The following ESRRG variants were observed in gnomAD, a reference collection of about 807,000 sequenced individuals.
ESRRG encodes the protein estrogen related receptor gamma, also known as estrogen-related receptor gamma.
In ESRRG, 13 loss-of-function variants were observed where a neutral mutation model predicts 44.0. That is an observed-to-expected ratio of 0.30 (90% CI 0.19 to 0.47). The LOEUF is 0.47. Ranked by LOEUF, ESRRG falls within the 20% of genes least tolerant of loss-of-function variation. The pLI, the probability that ESRRG is intolerant of heterozygous loss-of-function variation, is 1.00. For synonymous variants in ESRRG, 215 were observed against 214.6 expected, an observed-to-expected ratio of 1.00 and a Z score of -0.02; for missense variants, 395 against 580.6, an observed-to-expected ratio of 0.68 and a Z score of 3.29.
At chr1:216,987,294 G>T (rs2075027467) in intron 1 of ESRRG, among the ~76,000 whole-genome samples, 1 of 152,136 alleles carries the variant, frequency 6.6e-6, no homozygotes, top group Non-Finnish European at 1.5e-5. Context: ...ATGCTTCCAT[G>T]CATGACTCAG....
chr1:216,910,211 A>AAC (rs568786905), intron 2 of ESRRG, among the ~76,000 whole-genome samples: 303 of 150,754 alleles, frequency 2.0e-3, no homozygotes, highest in Non-Finnish European at 2.5e-3. Flanking sequence ...GTTTGGCTGA[A>AAC]ACACACACAC....
chr1:216,843,587 G>A (rs1370829361), intron 2 of ESRRG, among the ~76,000 whole-genome samples: 2 of 152,080 alleles, frequency 1.3e-5, no homozygotes, highest in Admixed American at 6.6e-5. Flanking sequence ...GGACCAAGAC[G>A]CGGATCACAT....
Position 217,026,668 on chromosome 1 carries a change from C to A in ESRRG, c.-106+62839G>T, listed in dbSNP as rs545747402. 1.6e-4 allele frequency among the ~76,000 whole-genome samples: 25 copies of A among 152,122 alleles called. No homozygotes were observed. The South Asian group carries it at 2.5e-3, about 15-fold the overall frequency. On this transcript the variant is annotated intron_variant, in intron 1 of 7. Transcript: ENST00000359162. The stretch of plus-strand genomic sequence containing the variant: ...GCAAATCTGCCTAAGGGATTAGTCA[C>A]CCCCCAAAAGTTCAGTTGAATATTA...
At position 216,744,698 on chromosome 1, in the gene ESRRG, CTA is replaced by C. The variant is rs564864517; in HGVS notation, c.-13-67209_-13-67208del. 1.5e-3 allele frequency among the ~76,000 whole-genome samples: 230 copies of C among 152,266 alleles called. 4 individuals are homozygous for C. The highest frequency in any genetic ancestry group is 5.2e-3 in the African/African-American group (214 of 41,544). On this transcript the variant is annotated intron_variant, in intron 2 of 7. Coordinates refer to the ESRRG transcript ENST00000359162. ...TTCCTGGCAATACATGCTGTGTTAC[CTA>C]TGAGTAGTCTCTTTTTGGCTACAAA... is the stretch of plus-strand genomic sequence containing the variant.
intron 2 of ESRRG, among the ~76,000 whole-genome samples, chr1:216,840,267 G>A (rs1339537340): frequency 6.6e-6 from 1 of 152,114 alleles, no homozygotes; most frequent in African/African-American, 2.4e-5. Context: ...TACAGTGATG[G>A]CTTATTTCCT....
intron 1 of ESRRG, among the ~76,000 whole-genome samples, chr1:217,100,221 T>C (rs996883200): frequency 5.3e-5 from 8 of 152,342 alleles, no homozygotes; most frequent in African/African-American, 1.9e-4. Context: ...ATCATTTCTC[T>C]AAGGCTGTAC....
chr1:216,553,087 A>G (rs1572844872), intron 5 of ESRRG, among the ~76,000 whole-genome samples: 1 of 151,948 alleles, frequency 6.6e-6, no homozygotes, highest in African/African-American at 2.4e-5. Flanking sequence ...ACAAATCACA[A>G]GAATAAGAGC....
chr1:216,649,160 T>C (rs1293613457), intron 3 of ESRRG, among the ~76,000 whole-genome samples: 1 of 152,128 alleles, frequency 6.6e-6, no homozygotes, highest in African/African-American at 2.4e-5. Flanking sequence ...CTTCTGGCAA[T>C]TTCACATAAG....
At chr1:216,526,028 G>A (rs1006107819) in intron 5 of ESRRG, among the ~76,000 whole-genome samples, 2 of 152,176 alleles carry the variant, frequency 1.3e-5, no homozygotes, top group Admixed American at 1.3e-4. Flanking sequence ...AAAGCTGACA[G>A]ATATCTCCAC....
intron 1 of ESRRG, among the ~76,000 whole-genome samples, chr1:217,051,206 G>GGGGCA (rs1553259223): frequency 1.8e-5 from 2 of 110,256 alleles, no homozygotes; most frequent in Non-Finnish European, 4.0e-5. Context: ...AATGGGGGCG[G>GGGGCA]GGGGGGGGGG....
At chr1:217,061,149 T>G (rs966585087) in intron 1 of ESRRG, among the ~76,000 whole-genome samples, 3 of 152,066 alleles carry the variant, frequency 2.0e-5, no homozygotes, top group Admixed American at 6.6e-5. Context: ...GTGTAAAATG[T>G]TCCTTGTTCA....
chr1:217,069,734 T>C (rs1363830812), intron 1 of ESRRG, among the ~76,000 whole-genome samples: 1 of 152,066 alleles, frequency 6.6e-6, no homozygotes, highest in African/African-American at 2.4e-5. Context: ...AGAGTGCCAG[T>C]CGGCCACATC....
intron 1 of ESRRG, among the ~76,000 whole-genome samples, chr1:216,683,500 A>C (rs2077395394): frequency 6.6e-6 from 1 of 152,180 alleles, no homozygotes; most frequent in Non-Finnish European, 1.5e-5. Context: ...GAAGAACAAG[A>C]GTAAGAAAAC....
chr1:217,097,137 C>G (rs543030375), intron 1 of ESRRG, among the ~76,000 whole-genome samples: 2 of 152,218 alleles, frequency 1.3e-5, no homozygotes, highest in African/African-American at 4.8e-5. Context: ...ATCAGGATTG[C>G]GAATAGGGCT....
intron 5 of ESRRG, among the ~76,000 whole-genome samples, chr1:216,548,722 A>G (rs1332310552): frequency 6.6e-6 from 1 of 152,012 alleles, no homozygotes; most frequent in Non-Finnish European, 1.5e-5. Flanking sequence ...GTGCACATAG[A>G]GCACTGTTAT....
intron 1 of ESRRG, among the ~76,000 whole-genome samples, chr1:217,079,898 GTC>G (rs2151506248): frequency 6.6e-6 from 1 of 152,200 alleles, no homozygotes; most frequent in East Asian, 1.9e-4. Context: ...AATTTGTGCA[GTC>G]TCTGTTTAAA....
intron 1 of ESRRG, among the ~76,000 whole-genome samples, chr1:216,943,401 T>C (rs1293947280): frequency 6.6e-6 from 1 of 152,156 alleles, no homozygotes; most frequent in Non-Finnish European, 1.5e-5. Context: ...CCTCTCTAAA[T>C]ACAGAGCAAG....
At chr1:216,845,567 C>A (rs1056689137) in intron 2 of ESRRG, among the ~76,000 whole-genome samples, 27 of 152,240 alleles carry the variant, frequency 1.8e-4, no homozygotes, top group African/African-American at 6.3e-4. Context: ...GTGCCCCCAT[C>A]TCTCCTGTTC....
chr1:216,568,456 G>C (rs1363067617), intron 3 of ESRRG, among the ~76,000 whole-genome samples: 1 of 152,156 alleles, frequency 6.6e-6, no homozygotes, highest in Non-Finnish European at 1.5e-5. Flanking sequence ...CTTTTCATCA[G>C]TCAGCCCTGA....
Sources: gnomAD v4.1 joint callset for allele counts (sites outside exome capture counted in the v4.1 genomes callset) on GRCh38, gnomAD v4.1.1 for gene constraint, MANE v1.5 for transcripts, NCBI Gene and HGNC (gene_info 2026-07-23, HGNC 2026-07-21) for gene names.